The following APOC3 variants were observed in gnomAD, a reference collection of about 807,000 sequenced individuals.
The protein encoded by APOC3 is apolipoprotein C-III.
APOC3 carries 6 observed loss-of-function variants against 7.3 expected under a neutral mutation model. The ratio of observed to expected loss-of-function variants is 0.82; its 90% CI spans 0.45 to 1.61. The LOEUF is 1.61. APOC3 is among the 40% of genes most tolerant of loss of function. The pLI, the probability that APOC3 is intolerant of heterozygous loss-of-function variation, is 0.01. For synonymous variants in APOC3, 45 were observed against 51.2 expected (o/e 0.88, Z 0.52); for missense variants, 123 against 124.9 (o/e 0.98, Z 0.07).
chr11:116,831,598 C>T (rs980579127), intron 3 of APOC3, among the ~76,000 whole-genome samples: 6 of 152,104 alleles, frequency 3.9e-5, no homozygotes, highest in Non-Finnish European at 8.8e-5. Context: ...TTCCTGACCT[C>T]AGGGGATCCT....
Position 116,830,591 on chromosome 11 carries a change from C to G in APOC3, c.9C>G (p.Pro3=). The G allele has an allele frequency of 6.2e-7, 1 of 1,614,032 alleles. No individual in the cohort carries two copies. The highest frequency in any genetic ancestry group is 8.5e-7 in the Non-Finnish European group (1 of 1,180,000). The change falls in exon 2 of 4, where the codon CCC becomes CCG. Residue 3 remains proline, a synonymous_variant. Coordinates refer to ENST00000227667, the MANE Select transcript of APOC3 (RefSeq NM_000040.3). The part of the protein sequence containing the change: MQ[P]RVLLVVALLA... ...GCAGGAACAGAGGTGCCATGCAGCC[C>G]CGGGTACTCCTTGTTGTTGCCCTCC... is the stretch of plus-strand genomic sequence containing the variant.
rs192830070 is a variant in APOC3 at position 116,830,488 on chromosome 11, C to T, written c.-13-82C>T. The T allele has an allele frequency of 7.3e-4, 1,084 of 1,479,862 alleles. 8 individuals are homozygous for T. In the African/African-American group the frequency reaches 0.011, roughly 15 times the overall value. The allele number at this position is 1,479,862 out of a possible 1,614,324, so 91.7% of individuals were successfully genotyped here. ...CTGGCAGACCCAGCTAAGGTTCTAC[C>T]TTAGGGGCCACGCCACCTCCCCAGG... On this transcript the variant is annotated intron_variant, in intron 1 of 3. Coordinates refer to ENST00000227667, the MANE Select transcript of APOC3 (RefSeq NM_000040.3).
Position 116,832,753 on chromosome 11 carries a change from G to C in APOC3, c.180-11G>C. ...CATGCCCTGCTCTGTTGCTTCCCCT[G>C]ACTGATTTAGGGGCTGGGTGACCGA... On this transcript the variant is annotated splice_polypyrimidine_tract_variant and intron_variant, in intron 3 of 3. Coordinates refer to ENST00000227667, the MANE Select transcript of APOC3 (RefSeq NM_000040.3). 6.2e-7 allele frequency: 1 copy of C among 1,614,122 alleles called. No individual in the cohort carries two copies. The highest frequency in any genetic ancestry group is 8.5e-7 in the Non-Finnish European group (1 of 1,180,018).
Position 116,832,813 on chromosome 11 carries a change from G to A in APOC3, c.229G>A (p.Val77Ile), listed in dbSNP as rs754898637. The change falls in exon 4 of 4, where the codon GTT becomes ATT. Residue 77 changes from valine to isoleucine, a missense_variant. Val to Ile is a conservative substitution (Grantham distance 29). Coordinates refer to ENST00000227667, the MANE Select transcript of APOC3 (RefSeq NM_000040.3). ...TTCCCTGAAAGACTACTGGAGCACC[G>A]TTAAGGACAAGTTCTCTGAGTTCTG... ...FSSLKDYWST[V>I]KDKFSEFWDL... The A allele has an allele frequency of 6.2e-6, 10 of 1,614,002 alleles. No individual in the cohort carries two copies. The highest frequency in any genetic ancestry group is 4.0e-5 in the African/African-American group (3 of 74,906).
At position 116,831,257 on chromosome 11, in the gene APOC3, C is replaced by CTTT. The variant is rs1417744897; in HGVS notation, c.179+361_179+362insTTT. On this transcript the variant is annotated intron_variant, in intron 3 of 3. Transcript: ENST00000227667. ...TCTTTCTTTCTTTCTTTCTTTCTTT[C>CTTT]CTTTCTTTCTTTCCTTTCTTTCTTT... is the stretch of plus-strand genomic sequence containing the variant. Among the ~76,000 whole-genome samples, 25 of 59,712 alleles carry CTTT rather than the reference C, an allele frequency of 4.2e-4. 1 individual carries two copies. Among genetic ancestry groups the CTTT allele is most frequent in the East Asian group, 3.4e-3 (7 of 2,066 alleles). The allele number at this position is 59,712 out of a possible 152,430, so 39.2% of individuals were successfully genotyped here.
intron 3 of APOC3, among the ~76,000 whole-genome samples, chr11:116,831,323 CT>C (rs1446272909): frequency 3.6e-5 from 5 of 137,162 alleles, no homozygotes; most frequent in Admixed American, 7.7e-5. Flanking sequence ...TTCTTTCTTT[CT>C]TTCCTTTTTC....
intron 3 of APOC3, among the ~76,000 whole-genome samples, chr11:116,831,275 CTTTCTTTCCT>C (rs879566460): frequency 0.41 from 27,887 of 68,412 alleles, 4,416 homozygotes; most frequent in Non-Finnish European, 0.45. Flanking sequence ...TCTTTCCTTT[CTTTCTTTCCT>C]TTCTTTCTTT....
At chr11:116,831,206 TTTC>T (rs1457823480) in intron 3 of APOC3, 7 of 114,750 alleles carry the variant, frequency 6.1e-5, no homozygotes, top group African/African-American at 2.8e-4. Context: ...TCTTTCTTTC[TTTC>T]TTTCTTTCTT....
At chr11:116,831,280 TTTCC>T (rs760335222) in intron 3 of APOC3, among the ~76,000 whole-genome samples, 5 of 25,250 alleles carry the variant, frequency 2.0e-4, no homozygotes, top group South Asian at 6.2e-4. Context: ...CCTTTCTTTC[TTTCC>T]TTTCTTTCTT....
chr11:116,830,980 T>C (rs889089903), intron 3 of APOC3, 84 bp downstream of exon 3: 1 of 1,439,048 alleles, frequency 6.9e-7, no homozygotes, highest in Non-Finnish European at 9.3e-7. Flanking sequence ...ATCCCAACAA[T>C]GGAATGGAGG....
chr11:116,832,432 G>T (rs1028577646), intron 3 of APOC3, among the ~76,000 whole-genome samples: 2 of 152,208 alleles, frequency 1.3e-5, no homozygotes, highest in Non-Finnish European at 2.9e-5. Flanking sequence ...ACTCCAGGCG[G>T]TGCTGTTTGC....
At chr11:116,831,992 G>C (rs777800202) in intron 3 of APOC3, among the ~76,000 whole-genome samples, 3 of 152,228 alleles carry the variant, frequency 2.0e-5, no homozygotes, top group Non-Finnish European at 4.4e-5. Context: ...CCATGGACCA[G>C]TACCTATCTA....
At position 116,831,217 on chromosome 11, in the gene APOC3, CTT is replaced by C. The variant is rs1335092348; in HGVS notation, c.179+323_179+324del. 1,088 of 167,204 alleles carry C rather than the reference CTT, an allele frequency of 6.5e-3. 29 individuals are homozygous for C. The highest frequency in any genetic ancestry group is 0.04 in the African/African-American group (1,032 of 26,094). 10.4% of individuals were successfully genotyped at this position (167,204 alleles called of 1,614,324 possible). ...TCTTTCTTTCTTTCTTTCTTTCTTTCTTTCTTTCTTTCTTTCTTTCTTTCTTT... is the reference window on the plus strand; with the variant it reads ...TCTTTCTTTCTTTCTTTCTTTCTTTCTCTTTCTTTCTTTCTTTCTTTCTTT... On this transcript the variant is annotated intron_variant, in intron 3 of 3. Transcript: ENST00000227667.
chr11:116,832,246 C>T (rs2134226631), intron 3 of APOC3, among the ~76,000 whole-genome samples: 1 of 152,216 alleles, frequency 6.6e-6, no homozygotes, highest in South Asian at 2.1e-4. Context: ...ATTCTTAGTC[C>T]CCAGAACCGG....
chr11:116,831,247 T>G (rs1941452015), intron 3 of APOC3: 1 of 172,286 alleles, frequency 5.8e-6, no homozygotes. Flanking sequence ...CTTTCTTTCT[T>G]TCTTTCTTTC....
At chr11:116,832,484 C>T (rs543343659) in intron 3 of APOC3, among the ~76,000 whole-genome samples, 1 of 152,342 alleles carries the variant, frequency 6.6e-6, no homozygotes, top group African/African-American at 2.4e-5. Flanking sequence ...ATCTCCCCAC[C>T]CTGTCACTTT....
At position 116,832,905 on chromosome 11, in the gene APOC3, A is replaced by T. The variant is rs201402310; in HGVS notation, c.*21A>T. ...CCTGAGACCTCAATACCCCAAGTCC[A>T]CCTGCCTATCCATCCTGCGAGCTCC... On this transcript the variant is annotated 3_prime_UTR_variant, in exon 4 of 4. Transcript: ENST00000227667. 5.0e-6 allele frequency: 8 copies of T among 1,611,896 alleles called. No homozygotes were observed. Among genetic ancestry groups the T allele is most frequent in the Non-Finnish European group, 4.2e-6 (5 of 1,179,646 alleles).
chr11:116,830,705 T>C (rs1181206833), intron 2 of APOC3, 68 bp downstream of exon 2: 8 of 1,612,810 alleles, frequency 5.0e-6, no homozygotes, highest in Non-Finnish European at 6.8e-6. Flanking sequence ...TCCCAATGGG[T>C]GGTCAAGCAG....
intron 3 of APOC3, chr11:116,831,185 T>G: frequency 4.9e-6 from 1 of 202,824 alleles, no homozygotes; most frequent in East Asian, 5.7e-5. Flanking sequence ...TTCTTTCTCT[T>G]TCTATTTCTT....
Sources: allele counts gnomAD v4.1 joint callset (sites outside exome capture counted in the v4.1 genomes callset), GRCh38; gene constraint gnomAD v4.1.1; transcripts MANE v1.5; gene names NCBI Gene and HGNC (gene_info 2026-07-23, HGNC 2026-07-21).